SMAP1: variants seen among roughly 807,000 people sequenced by gnomAD.
SMAP1 encodes the protein stromal membrane-associated protein 1.
SMAP1 carries 24 observed loss-of-function variants against 58.5 expected under a neutral mutation model. The observed-to-expected ratio is 0.41, with a 90% CI of 0.30 to 0.58. SMAP1 has a LOEUF of 0.58. SMAP1 is among the 20% of genes least tolerant of loss of function. The probability of loss-of-function intolerance (pLI) is 0.29; values close to 1 mark genes in which losing one functional copy is unlikely to be tolerated. For synonymous variants in SMAP1, 216 were observed against 196.6 expected, an observed-to-expected ratio of 1.10 and a Z score of -0.82; for missense variants, 563 against 566.3, an observed-to-expected ratio of 0.99 and a Z score of 0.06.
At chr6:70,809,434 A>G (rs1467531694) in intron 6 of SMAP1, among the ~76,000 whole-genome samples, 3 of 152,224 alleles carry the variant, frequency 2.0e-5, no homozygotes, top group Non-Finnish European at 2.9e-5. Context: ...GCACAAGATA[A>G]CAATTGCAAA....
chr6:70,732,575 T>C, intron 2 of SMAP1, 64 bp downstream of exon 2: 3 of 1,329,954 alleles, frequency 2.3e-6, no homozygotes, highest in Non-Finnish European at 2.9e-6. Context: ...TATTTAACCC[T>C]TCTTGCATCT....
At chr6:70,725,278 G>A (rs918244768) in intron 1 of SMAP1, among the ~76,000 whole-genome samples, 1 of 151,466 alleles carries the variant, frequency 6.6e-6, no homozygotes, top group Non-Finnish European at 1.5e-5. Context: ...TACCACACCC[G>A]GCTAATTTTT....
chr6:70,807,784 A>G (rs931351945), intron 6 of SMAP1, among the ~76,000 whole-genome samples: 1 of 152,136 alleles, frequency 6.6e-6, no homozygotes, highest in Non-Finnish European at 1.5e-5. Flanking sequence ...CATGTTATAT[A>G]TACAGGTGAC....
Position 70,725,670 on chromosome 6 carries a change from A to C in SMAP1, c.119-6708A>C, listed in dbSNP as rs540505795. The stretch of plus-strand genomic sequence containing the variant: ...CATCCACTACTATGATGCTGCCTCA[A>C]GAATTAACGTTTACATCTCAGTTGA... On this transcript the variant is annotated intron_variant, in intron 1 of 10. Coordinates refer to ENST00000370455, the MANE Select transcript of SMAP1 (RefSeq NM_001044305.3). 1.3e-4 allele frequency among the ~76,000 whole-genome samples: 20 copies of C among 152,308 alleles called. No individual in the cohort carries two copies. The South Asian group carries it at 4.1e-3, about 32-fold the overall frequency.
chr6:70,692,599 T>TG (rs2149819500), intron 1 of SMAP1, among the ~76,000 whole-genome samples: 1 of 152,368 alleles, frequency 6.6e-6, no homozygotes, highest in Non-Finnish European at 1.5e-5. Context: ...TTGAATATGG[T>TG]GAGAGATACG....
At chr6:70,765,651 CATTT>C (rs1766940166) in intron 3 of SMAP1, among the ~76,000 whole-genome samples, 1 of 151,956 alleles carries the variant, frequency 6.6e-6, no homozygotes, top group African/African-American at 2.4e-5. Context: ...CTTACCACAT[CATTT>C]ATTTATTGTG....
intron 3 of SMAP1, among the ~76,000 whole-genome samples, chr6:70,767,396 A>G (rs1387812589): frequency 1.3e-5 from 2 of 152,106 alleles, no homozygotes; most frequent in Non-Finnish European, 2.9e-5. Context: ...ATGTTCTTCC[A>G]TTTGTTTGTA....
intron 1 of SMAP1, among the ~76,000 whole-genome samples, chr6:70,719,453 CA>C (rs1315056276): frequency 2.0e-5 from 3 of 152,150 alleles, no homozygotes; most frequent in Non-Finnish European, 4.4e-5. Context: ...CATCCAGATT[CA>C]AATGGTAACA....
intron 3 of SMAP1, among the ~76,000 whole-genome samples, chr6:70,771,631 C>T (rs1225878586): frequency 2.6e-5 from 4 of 152,042 alleles, no homozygotes; most frequent in Non-Finnish European, 5.9e-5. Context: ...TGGGAGTGAC[C>T]CGATTTTCCA....
At chr6:70,743,933 A>C (rs1765913495) in intron 2 of SMAP1, among the ~76,000 whole-genome samples, 1 of 144,032 alleles carries the variant, frequency 6.9e-6, no homozygotes, top group East Asian at 1.9e-4. Flanking sequence ...CATTTGGAAA[A>C]AAGTATATAA....
chr6:70,760,434 GTA>G (rs1766701966), intron 3 of SMAP1, among the ~76,000 whole-genome samples: 1 of 152,078 alleles, frequency 6.6e-6, no homozygotes, highest in South Asian at 2.1e-4. Context: ...TATGTTAAGA[GTA>G]TAAGATGACA....
chr6:70,789,466 TTA>T (rs1283191882), intron 4 of SMAP1, among the ~76,000 whole-genome samples: 1 of 152,032 alleles, frequency 6.6e-6, no homozygotes, highest in Non-Finnish European at 1.5e-5. Context: ...CTTTCTTCCG[TTA>T]TGTTTCTGAT....
At chr6:70,686,552 C>CT (rs549721528) in intron 1 of SMAP1, among the ~76,000 whole-genome samples, 15 of 152,240 alleles carry the variant, frequency 9.9e-5, no homozygotes, top group African/African-American at 3.6e-4. Flanking sequence ...TTCTGGGAGA[C>CT]TTGTCAGTGT....
chr6:70,680,677 CAACA>C (rs1389342266), intron 1 of SMAP1, among the ~76,000 whole-genome samples: 1 of 146,320 alleles, frequency 6.8e-6, no homozygotes, highest in Non-Finnish European at 1.5e-5. Context: ...ACACAAAAGA[CAACA>C]GAGTATACAT....
chr6:70,778,105 G>A lies in SMAP1; in HGVS notation c.414+4680G>A, dbSNP rs561068803. On this transcript the variant is annotated intron_variant, in intron 4 of 10. Coordinates refer to ENST00000370455, the MANE Select transcript of SMAP1 (RefSeq NM_001044305.3). ...TAATTTTTGTGGGTGTATAGTAGGTGTATATATTTATAGGAGACATGAGAT... is the reference window on the plus strand; with the variant it reads ...TAATTTTTGTGGGTGTATAGTAGGTATATATATTTATAGGAGACATGAGAT... Among the ~76,000 whole-genome samples, 8 of 152,162 alleles carry A rather than the reference G, an allele frequency of 5.3e-5. No homozygotes were observed. The South Asian group carries it at 8.3e-4, about 16-fold the overall frequency.
intron 4 of SMAP1, among the ~76,000 whole-genome samples, 157 bp downstream of exon 4, chr6:70,773,582 TGCAGA>T (rs1252579377): frequency 1.3e-5 from 2 of 152,220 alleles, no homozygotes; most frequent in African/African-American, 4.8e-5. Flanking sequence ...GTTGAGCTCT[TGCAGA>T]GCAGAAGTCT....
chr6:70,768,297 A>G (rs568137544), intron 3 of SMAP1, among the ~76,000 whole-genome samples: 14 of 152,118 alleles, frequency 9.2e-5, no homozygotes, highest in South Asian at 4.2e-4. Context: ...CTCTTTTTCT[A>G]TTGATTGGAA....
At chr6:70,713,979 TG>T (rs1768162727) in intron 1 of SMAP1, among the ~76,000 whole-genome samples, 1 of 152,218 alleles carries the variant, frequency 6.6e-6, no homozygotes. Flanking sequence ...TTGATCCTTT[TG>T]TCATTGTGTA....
At chr6:70,750,463 C>G (rs1427411603) in intron 2 of SMAP1, among the ~76,000 whole-genome samples, 1 of 152,114 alleles carries the variant, frequency 6.6e-6, no homozygotes, top group African/African-American at 2.4e-5. Context: ...ATATAAATGA[C>G]TTAAAATTGT....
Sources: gnomAD v4.1 joint callset for allele counts (sites outside exome capture counted in the v4.1 genomes callset) on GRCh38, gnomAD v4.1.1 for gene constraint, MANE v1.5 for transcripts, NCBI Gene and HGNC (gene_info 2026-07-23, HGNC 2026-07-21) for gene names.